Variants in C11orf65 observed in about 807,000 individuals in gnomAD.
C11orf65 encodes the protein protein MFI.
In C11orf65, 38 loss-of-function variants were observed where a neutral mutation model predicts 35.3. The observed-to-expected ratio is 1.08, with a 90% CI of 0.83 to 1.41. The LOEUF is 1.41. Ranked by LOEUF, C11orf65 falls within the 40% of genes most tolerant of loss-of-function variation. C11orf65 has a pLI of 0.00. For synonymous variants in C11orf65, 105 were observed against 114.4 expected (o/e 0.92, Z 0.53); for missense variants, 370 against 367.1 (o/e 1.01, Z -0.06).
intron 2 of C11orf65, among the ~76,000 whole-genome samples, chr11:108,358,182 A>G (rs1244550734): frequency 6.6e-6 from 1 of 151,780 alleles, no homozygotes; most frequent in Non-Finnish European, 1.5e-5. Flanking sequence ...ATCAACTGGA[A>G]GAAAGGGTAT....
Position 108,423,058 on chromosome 11 carries a change from T to C in C11orf65, c.174+8688A>G, listed in dbSNP as rs563799353. Among the ~76,000 whole-genome samples the C allele has an allele frequency of 1.0e-3, 155 of 152,320 alleles. 6 individuals carry two copies. The South Asian group carries it at 0.032, about 31-fold the overall frequency. ...GCACCAGCTGTGCATTCTGGCCAGA[T>C]ACTATGCTTTTCGCACGATCTTCCC... On this transcript the variant is annotated intron_variant, in intron 3 of 8. Transcript: ENST00000393084.
chr11:108,402,642 T>C (rs1482722077), intron 6 of C11orf65, among the ~76,000 whole-genome samples: 1 of 149,076 alleles, frequency 6.7e-6, no homozygotes, highest in East Asian at 1.9e-4. Flanking sequence ...TGTACAGTTT[T>C]GACATGTCTA....
At chr11:108,319,878 T>G in intron 6 of C11orf65, 2 of 1,038,552 alleles carry the variant, frequency 1.9e-6, no homozygotes, top group Non-Finnish European at 2.9e-6. Flanking sequence ...ATTTTGTCCT[T>G]TGGTGAAGCT....
rs2092523900 is a variant in C11orf65, at chr11:108,405,445, CTA to C, written c.542_543del (p.Ile181ArgfsTer15). ...DLEKKRKLRK[I>X]EWMRQMYYSG... Reference sequence around the variant, plus strand: ...TCAACTTACATTTGCCTCATCCACTCTATTTTTCTAAGTTTTCTTTTCTTTTC... The same window carrying C: ...TCAACTTACATTTGCCTCATCCACTCTTTTTCTAAGTTTTCTTTTCTTTTC... On this transcript the variant is annotated frameshift_variant, in exon 6 of 9. Coordinates refer to ENST00000393084, the MANE Select transcript of C11orf65 (RefSeq NM_152587.5). LOFTEE classifies it high-confidence loss of function. 1 of 1,612,692 alleles carries C rather than the reference CTA, an allele frequency of 6.2e-7. No homozygotes were observed. Among genetic ancestry groups the C allele is most frequent in the Middle Eastern group, 1.6e-4 (1 of 6,062 alleles).
intron 2 of C11orf65, among the ~76,000 whole-genome samples, chr11:108,444,968 G>A (rs1246609565): frequency 6.6e-6 from 1 of 152,156 alleles, no homozygotes; most frequent in Non-Finnish European, 1.5e-5. Flanking sequence ...TCCCACACAT[G>A]GCTCGGAGGG....
In C11orf65 at chr11:108,405,434, C is replaced by T. The variant is rs781685381; in HGVS notation, c.555G>A (p.Arg185=). The T allele has an allele frequency of 6.2e-7, 1 of 1,610,998 alleles. No homozygotes were observed. Among genetic ancestry groups the T allele is most frequent in the Non-Finnish European group, 8.5e-7 (1 of 1,179,416 alleles). ...KRKLRKIEWM[R]QMYYSGSLEA... Reference sequence around the variant, plus strand: ...TAAGTGTTTCATCAACTTACATTTGCCTCATCCACTCTATTTTTCTAAGTT... The same window carrying T: ...TAAGTGTTTCATCAACTTACATTTGTCTCATCCACTCTATTTTTCTAAGTT... Residue 185 remains arginine, a synonymous_variant, in exon 6 of 9, where the codon AGG becomes AGA. Transcript: ENST00000393084.
At chr11:108,442,543 A>G (rs1313188725) in intron 2 of C11orf65, among the ~76,000 whole-genome samples, 3 of 152,232 alleles carry the variant, frequency 2.0e-5, no homozygotes, top group Non-Finnish European at 4.4e-5. Context: ...CAAAGTTGAA[A>G]TGAAGGAAAA....
At chr11:108,445,568 G>C (rs1027259169) in intron 2 of C11orf65, among the ~76,000 whole-genome samples, 3 of 152,152 alleles carry the variant, frequency 2.0e-5, no homozygotes, top group Non-Finnish European at 2.9e-5. Context: ...GGTCCTGTCT[G>C]TCAGAAGGAA....
chr11:108,317,250 A>G, intron 6 of C11orf65: 2 of 1,043,146 alleles, frequency 1.9e-6, no homozygotes, highest in Non-Finnish European at 2.8e-6. Context: ...ATATTTTGGG[A>G]TTTTAAATGA....
At chr11:108,401,104 G>T (rs140418141) in intron 6 of C11orf65, among the ~76,000 whole-genome samples, 1 of 149,104 alleles carries the variant, frequency 6.7e-6, no homozygotes, top group Non-Finnish European at 1.5e-5. Flanking sequence ...GTGAGACTCC[G>T]TCTCAAAGAA....
At chr11:108,458,079 T>C (rs541557443) in intron 2 of C11orf65, among the ~76,000 whole-genome samples, 12 of 152,294 alleles carry the variant, frequency 7.9e-5, no homozygotes, top group African/African-American at 2.6e-4. Context: ...GGGGTACCAT[T>C]TTCCTCCCAT....
rs777036353 is a variant in C11orf65, at chr11:108,317,354, CAAAA to C, written c.641-8287_641-8284del. 2.5e-6 allele frequency: 4 copies of C among 1,606,128 alleles called. No homozygotes were observed. The East Asian group carries it at 9.0e-5, about 36-fold the overall frequency. On this transcript the variant is annotated intron_variant, in intron 6 of 6. Coordinates refer to the C11orf65 transcript ENST00000525729. ...TATCTTTGATTACTTAACTTAAAAA[CAAAA>C]TAACTCCTGTTTAGGCCTTGCAGAA... is the stretch of plus-strand genomic sequence containing the variant.
At position 108,407,159 on chromosome 11, in the gene C11orf65, A is replaced by G; in HGVS notation, c.175-10T>C. 1 of 1,570,540 alleles carries G rather than the reference A, an allele frequency of 6.4e-7. No individual in the cohort carries two copies. The highest frequency in any genetic ancestry group is 8.7e-7 in the Non-Finnish European group (1 of 1,149,674). ...CATCTAGAAGCTCTGCCTATAAGAAAATATATTATTCTTATATATTATTCT... is the reference window on the plus strand; with the variant it reads ...CATCTAGAAGCTCTGCCTATAAGAAGATATATTATTCTTATATATTATTCT... On this transcript the variant is annotated splice_polypyrimidine_tract_variant and intron_variant, in intron 3 of 8. Coordinates refer to ENST00000393084, the MANE Select transcript of C11orf65 (RefSeq NM_152587.5).
chr11:108,447,107 A>C (rs2093274218), intron 2 of C11orf65, among the ~76,000 whole-genome samples: 8 of 152,276 alleles, frequency 5.3e-5, no homozygotes, highest in Admixed American at 5.2e-4. Flanking sequence ...TATGCACCCA[A>C]TACAGGAGCA....
At chr11:108,343,230 C>G in intron 2 of C11orf65, 1 of 1,613,814 alleles carries the variant, frequency 6.2e-7, no homozygotes, top group Non-Finnish European at 8.5e-7. Context: ...AGGTGGTTCC[C>G]CTCTCTCAGC....
In C11orf65 at chr11:108,385,972, G is replaced by A. The variant is rs1264285305; in HGVS notation, c.735C>T (p.Tyr245=). ...TAGCAATTTCCTTCCAGCTGGCAAT[G>A]TACCTAAGCACATTATATGAGGATT... is the stretch of plus-strand genomic sequence containing the variant. ...NWTNTLNFDE[Y]IASWKEIATS... is the part of the protein sequence containing the mutation. The change falls in exon 8 of 9, where the codon TAC becomes TAT. Residue 245 remains tyrosine, a synonymous_variant. Coordinates refer to ENST00000393084, the MANE Select transcript of C11orf65 (RefSeq NM_152587.5). The A allele has an allele frequency of 6.2e-7, 1 of 1,612,980 alleles. No individual in the cohort carries two copies. Among genetic ancestry groups the A allele is most frequent in the South Asian group, 1.1e-5 (1 of 91,012 alleles).
At chr11:108,446,217 T>A (rs2093254869) in intron 2 of C11orf65, among the ~76,000 whole-genome samples, 1 of 151,920 alleles carries the variant, frequency 6.6e-6, no homozygotes, top group South Asian at 2.1e-4. Flanking sequence ...TGCAGGATAT[T>A]ATCCAGGAGA....
chr11:108,426,005 A>G (rs1482415439), intron 3 of C11orf65, among the ~76,000 whole-genome samples: 1 of 152,208 alleles, frequency 6.6e-6, no homozygotes, highest in African/African-American at 2.4e-5. Flanking sequence ...TCTCAAAATA[A>G]TAAGAGCTAT....
intron 6 of C11orf65, among the ~76,000 whole-genome samples, chr11:108,397,318 CAA>C (rs375819570): frequency 2.5e-4 from 22 of 87,164 alleles, no homozygotes; most frequent in Admixed American, 2.5e-4. Flanking sequence ...GACTCTTTCT[CAA>C]AAAAAAAAAA....
Sources: allele counts gnomAD v4.1 joint callset (sites outside exome capture counted in the v4.1 genomes callset), GRCh38; gene constraint gnomAD v4.1.1; transcripts MANE v1.5; gene names NCBI Gene and HGNC (gene_info 2026-07-23, HGNC 2026-07-21).